The following EYS variants were observed in gnomAD, a reference collection of about 807,000 sequenced individuals.
EYS encodes the protein protein eyes shut homolog.
A neutral mutation model predicts 282.1 loss-of-function variants in EYS; 250 were observed. That is an observed-to-expected ratio of 0.89 (90% CI 0.80 to 0.98). The LOEUF (loss-of-function observed/expected upper bound fraction) is 0.98, where lower values mean the gene tolerates loss of function less well. Among genes scored for constraint, EYS ranks in the 50% least tolerant of loss-of-function variants. EYS has a pLI of 0.00. For synonymous variants in EYS, 1,355 were observed against 1,282.9 expected (o/e 1.06, Z -1.20); for missense variants, 4,016 against 3,709.0 (o/e 1.08, Z -2.15).
intron 33 of EYS, among the ~76,000 whole-genome samples, chr6:64,035,304 TACA>T (rs1454024299): frequency 1.3e-5 from 2 of 152,256 alleles, no homozygotes; most frequent in East Asian, 1.9e-4. Context: ...TTAGAATAAT[TACA>T]ACAACCATTG....
At chr6:65,363,373 TA>T (rs1282018272) in intron 8 of EYS, among the ~76,000 whole-genome samples, 1 of 151,960 alleles carries the variant, frequency 6.6e-6, no homozygotes, top group African/African-American at 2.4e-5. Context: ...AACAATCAAT[TA>T]AGCAATTAAA....
chr6:65,500,194 G>A (rs1258119499), intron 2 of EYS, among the ~76,000 whole-genome samples: 1 of 151,778 alleles, frequency 6.6e-6, no homozygotes, highest in Non-Finnish European at 1.5e-5. Context: ...AGGCAAAGGA[G>A]GCAGGTAATT....
At chr6:64,317,738 A>T (rs1054840170) in intron 29 of EYS, among the ~76,000 whole-genome samples, 12 of 152,182 alleles carry the variant, frequency 7.9e-5, no homozygotes, top group Non-Finnish European at 1.6e-4. Flanking sequence ...ACGTATGTTT[A>T]TTGTGGCACT....
At chr6:64,758,629 C>T (rs1773055346) in intron 22 of EYS, among the ~76,000 whole-genome samples, 1 of 152,168 alleles carries the variant, frequency 6.6e-6, no homozygotes, top group African/African-American at 2.4e-5. Flanking sequence ...TTTTATCATT[C>T]CCTCCACTGC....
chr6:65,123,634 T>G (rs1280082850), intron 12 of EYS, among the ~76,000 whole-genome samples: 2 of 151,994 alleles, frequency 1.3e-5, no homozygotes, highest in Admixed American at 6.6e-5. Context: ...GTGGCTAATA[T>G]ATGTTTATTA....
chr6:63,876,263 T>C (rs1041674879), intron 35 of EYS, among the ~76,000 whole-genome samples: 1 of 152,230 alleles, frequency 6.6e-6, no homozygotes, highest in Middle Eastern at 3.2e-3. Flanking sequence ...TTGTTCAGTT[T>C]CCATGTAGTT....
At chr6:65,299,007 C>T (rs951195337) in intron 11 of EYS, among the ~76,000 whole-genome samples, 2 of 151,944 alleles carry the variant, frequency 1.3e-5, no homozygotes, top group Non-Finnish European at 2.9e-5. Flanking sequence ...TAGAGAGGAT[C>T]CATAGGATAA....
intron 12 of EYS, among the ~76,000 whole-genome samples, chr6:65,252,586 G>A (rs1182458703): frequency 6.6e-6 from 1 of 151,902 alleles, no homozygotes; most frequent in African/African-American, 2.4e-5. Flanking sequence ...TTCAACATAT[G>A]AAGAACCAGA....
intron 12 of EYS, among the ~76,000 whole-genome samples, chr6:65,100,567 T>A (rs1774867027): frequency 6.6e-6 from 1 of 150,950 alleles, no homozygotes; most frequent in African/African-American, 2.4e-5. Context: ...CAAAATTATG[T>A]TGCTGTCTAA....
intron 15 of EYS, among the ~76,000 whole-genome samples, chr6:64,932,099 A>G (rs1404983719): frequency 6.6e-6 from 1 of 152,128 alleles, no homozygotes; most frequent in African/African-American, 2.4e-5. Context: ...TTCAAGAAAA[A>G]TGATTGAATC....
chr6:65,486,363 T>C (rs894973993), intron 5 of EYS, among the ~76,000 whole-genome samples: 3 of 152,212 alleles, frequency 2.0e-5, no homozygotes, highest in African/African-American at 7.2e-5. Context: ...AAGAATGACT[T>C]TGAAAATGAA....
intron 33 of EYS, among the ~76,000 whole-genome samples, chr6:64,009,403 C>T (rs1437977702): frequency 1.3e-5 from 2 of 151,750 alleles, no homozygotes; most frequent in Admixed American, 6.6e-5. Context: ...CCTGCCTCAG[C>T]CTCCCGAGTA....
chr6:65,424,692 T>C (rs1053328246), intron 5 of EYS, among the ~76,000 whole-genome samples: 3 of 152,070 alleles, frequency 2.0e-5, no homozygotes, highest in African/African-American at 4.8e-5. Context: ...ACCTCAGAAA[T>C]ATTTAAATAT....
intron 31 of EYS, among the ~76,000 whole-genome samples, chr6:64,101,661 A>G (rs767233378): frequency 6.6e-6 from 1 of 151,816 alleles, no homozygotes; most frequent in Non-Finnish European, 1.5e-5. Flanking sequence ...TTTTTTTGGC[A>G]CCAGAGACTA....
At chr6:65,276,122 C>T (rs571275871) in intron 12 of EYS, among the ~76,000 whole-genome samples, 19 of 152,036 alleles carry the variant, frequency 1.2e-4, no homozygotes, top group Non-Finnish European at 1.9e-4. Context: ...TTTGATAAAA[C>T]AGTAGAAGAG....
intron 8 of EYS, among the ~76,000 whole-genome samples, chr6:65,382,944 A>G (rs1562139550): frequency 6.6e-6 from 1 of 151,786 alleles, no homozygotes; most frequent in Admixed American, 6.6e-5. Context: ...CTTGAATCCA[A>G]TCAAGTTGAC....
At chr6:64,610,829 T>C (rs895897138) in intron 24 of EYS, among the ~76,000 whole-genome samples, 5 of 152,198 alleles carry the variant, frequency 3.3e-5, no homozygotes, top group African/African-American at 1.2e-4. Flanking sequence ...ACTTATTTAA[T>C]ACAGAAAACT....
At chr6:64,066,074 C>T (rs903915360) in intron 33 of EYS, among the ~76,000 whole-genome samples, 10 of 151,990 alleles carry the variant, frequency 6.6e-5, no homozygotes, top group East Asian at 1.9e-4. Flanking sequence ...CCAGCCTGGC[C>T]GGCATGGTGA....
intron 2 of EYS, among the ~76,000 whole-genome samples, chr6:65,600,473 A>C (rs754010865): frequency 1.4e-4 from 21 of 152,086 alleles, no homozygotes; most frequent in Non-Finnish European, 1.2e-4. Flanking sequence ...GTCAACTATT[A>C]AGTATTATCT....
Sources: allele counts gnomAD v4.1 joint callset (sites outside exome capture counted in the v4.1 genomes callset), GRCh38; gene constraint gnomAD v4.1.1; transcripts MANE v1.5; gene names NCBI Gene and HGNC (gene_info 2026-07-23, HGNC 2026-07-21).